The following COL21A1 variants were observed in gnomAD, a reference collection of about 807,000 sequenced individuals.
The protein encoded by COL21A1 is collagen alpha-1(XXI) chain.
A neutral mutation model predicts 137.9 loss-of-function variants in COL21A1; 149 were observed. The ratio of observed to expected loss-of-function variants is 1.08; its 90% CI spans 0.95 to 1.24. The LOEUF is 1.24. Among genes scored for constraint, COL21A1 ranks in the 50% most tolerant of loss-of-function variants. The pLI, the probability that COL21A1 is intolerant of heterozygous loss-of-function variation, is 0.00. For missense variants in COL21A1, 1,167 were observed against 1,158.4 expected, an observed-to-expected ratio of 1.01 and a Z score of -0.11; for synonymous variants, 456 against 391.5, an observed-to-expected ratio of 1.16 and a Z score of -1.95.
intron 1 of COL21A1, among the ~76,000 whole-genome samples, chr6:56,239,959 A>T (rs1470932935): frequency 1.3e-5 from 2 of 152,092 alleles, no homozygotes; most frequent in African/African-American, 4.8e-5. Flanking sequence ...CTGGTGGGAG[A>T]TAATTGAATC....
intron 1 of COL21A1, among the ~76,000 whole-genome samples, chr6:56,386,756 T>A (rs559272504): frequency 1.3e-5 from 2 of 152,174 alleles, no homozygotes; most frequent in Non-Finnish European, 2.9e-5. Flanking sequence ...AAGAAGGATT[T>A]TAAAGGAAGC....
In COL21A1 at chr6:56,129,366, T is replaced by C. The variant is rs144135072; in HGVS notation, c.1543-3217A>G. On this transcript the variant is annotated intron_variant, in intron 12 of 29. Transcript: ENST00000244728. ...TAATACAGTAACTGGTGATATAACC[T>C]TGACTTTATAAGTGACAGCAACACT... 4.7e-4 allele frequency among the ~76,000 whole-genome samples: 71 copies of C among 152,138 alleles called. 2 individuals carry two copies. The East Asian group carries it at 0.013, about 28-fold the overall frequency.
In COL21A1 at chr6:56,098,052, AAT is replaced by A. The variant is rs1491398532; in HGVS notation, c.1812+3418_1812+3419del. Among the ~76,000 whole-genome samples, 2 of 49,124 alleles carry A rather than the reference AAT, an allele frequency of 4.1e-5. 1 individual carries two copies. Among genetic ancestry groups the A allele is most frequent in the Non-Finnish European group, 6.7e-5 (2 of 30,008 alleles). 32.2% of individuals were successfully genotyped at this position (49,124 alleles called of 152,430 possible). On this transcript the variant is annotated intron_variant, in intron 17 of 29. Transcript: ENST00000244728. ...ATATGTAAATATATAAATATATATA[AAT>A]ATATATAAATATATAAATATATATA...
chr6:56,158,263 T>C (rs1454956496), intron 9 of COL21A1, among the ~76,000 whole-genome samples: 2 of 117,384 alleles, frequency 1.7e-5, no homozygotes, highest in Non-Finnish European at 3.4e-5. Flanking sequence ...CTTTTTTTTT[T>C]TTCTTTTTTT....
At chr6:56,128,385 G>T (rs1773220853) in intron 12 of COL21A1, among the ~76,000 whole-genome samples, 1 of 152,094 alleles carries the variant, frequency 6.6e-6, no homozygotes, top group Admixed American at 6.5e-5. Context: ...ACGTTCCTGT[G>T]ATATTTGGTG....
At chr6:56,283,276 T>A (rs1208342499) in intron 1 of COL21A1, among the ~76,000 whole-genome samples, 1 of 151,860 alleles carries the variant, frequency 6.6e-6, no homozygotes, top group Non-Finnish European at 1.5e-5. Context: ...GGCCAAAAAA[T>A]TATTATAAAT....
In COL21A1 at chr6:56,135,370, C is replaced by T. The variant is rs539201025; in HGVS notation, c.1542+6415G>A. Reference sequence around the variant, plus strand: ...TGCCCCCAAATCGCATGTCAAGATACCTTACCCAACTCACTAATAAAGCAA... The same window carrying T: ...TGCCCCCAAATCGCATGTCAAGATATCTTACCCAACTCACTAATAAAGCAA... On this transcript the variant is annotated intron_variant, in intron 12 of 29. Transcript: ENST00000244728. Among the ~76,000 whole-genome samples the T allele has an allele frequency of 1.1e-3, 170 of 152,054 alleles. 1 individual carries two copies. The highest frequency in any genetic ancestry group is 3.8e-3 in the African/African-American group (156 of 41,486).
At chr6:56,189,104 C>T (rs770877906) in intron 1 of COL21A1, among the ~76,000 whole-genome samples, 3 of 151,866 alleles carry the variant, frequency 2.0e-5, no homozygotes, top group South Asian at 2.1e-4. Flanking sequence ...AACAAAACTG[C>T]GCAGAGAATG....
At chr6:56,308,804 G>A (rs983148220) in intron 1 of COL21A1, among the ~76,000 whole-genome samples, 17 of 152,276 alleles carry the variant, frequency 1.1e-4, no homozygotes, top group African/African-American at 3.9e-4. Flanking sequence ...GTGCTCAGTA[G>A]CCTCATGTGG....
intron 1 of COL21A1, among the ~76,000 whole-genome samples, chr6:56,206,376 G>T (rs996691068): frequency 6.7e-6 from 1 of 149,138 alleles, no homozygotes; most frequent in Admixed American, 6.7e-5. Context: ...AATCAACAAA[G>T]ATCAAAAGAG....
At chr6:56,367,696 T>C (rs1053756523) in intron 1 of COL21A1, among the ~76,000 whole-genome samples, 2 of 152,202 alleles carry the variant, frequency 1.3e-5, no homozygotes, top group African/African-American at 4.8e-5. Flanking sequence ...AGCTAATTCA[T>C]CTAGTTTTCT....
chr6:56,370,218 G>A (rs1443942057), intron 1 of COL21A1, among the ~76,000 whole-genome samples: 2 of 152,138 alleles, frequency 1.3e-5, no homozygotes, highest in East Asian at 3.9e-4. Context: ...AGCAGTGGCC[G>A]CTTGAGGACA....
At chr6:56,221,940 T>C (rs1008644918) in intron 1 of COL21A1, among the ~76,000 whole-genome samples, 2 of 152,146 alleles carry the variant, frequency 1.3e-5, no homozygotes, top group African/African-American at 2.4e-5. Flanking sequence ...TTATATTTGC[T>C]TTTTATTCTT....
At chr6:56,269,654 CAAAAAAAAAAA>C (rs70986792) in intron 1 of COL21A1, among the ~76,000 whole-genome samples, 6 of 64,050 alleles carry the variant, frequency 9.4e-5, no homozygotes, top group Admixed American at 3.7e-4. Context: ...GACTCCGTCT[CAAAAAAAAAAA>C]AAAAAAAAAA....
intron 7 of COL21A1, 125 bp from the exon 8 acceptor site, chr6:56,164,947 C>T: frequency 1.5e-6 from 1 of 683,626 alleles, no homozygotes; most frequent in East Asian, 2.9e-5. Context: ...CAACAAAAAC[C>T]AAAATATTTC....
At position 56,255,456 on chromosome 6, in the gene COL21A1, T is replaced by A. The variant is rs543761017; in HGVS notation, c.-38-72800A>T. On this transcript the variant is annotated intron_variant, in intron 1 of 28. Transcript: ENST00000370819. ...TCTTTTCTTAATGATATGCATGCCT[T>A]TTTTATCAGATGCTATCTCTAGAAC... is the stretch of plus-strand genomic sequence containing the variant. Among the ~76,000 whole-genome samples the A allele has an allele frequency of 8.9e-4, 136 of 152,120 alleles. 1 individual carries two copies. Among genetic ancestry groups the A allele is most frequent in the Admixed American group, 5.2e-3 (79 of 15,266 alleles).
chr6:56,228,775 T>C (rs888730196), intron 1 of COL21A1, among the ~76,000 whole-genome samples: 1 of 151,702 alleles, frequency 6.6e-6, no homozygotes, highest in African/African-American at 2.4e-5. Context: ...GTGAGATTTT[T>C]AGTCCATTAA....
intron 1 of COL21A1, among the ~76,000 whole-genome samples, chr6:56,291,024 G>A (rs1038725313): frequency 3.9e-5 from 6 of 152,014 alleles, no homozygotes; most frequent in East Asian, 1.9e-4. Flanking sequence ...GGCATTACCC[G>A]GGAGCTTGTC....
intron 1 of COL21A1, among the ~76,000 whole-genome samples, chr6:56,332,423 C>G (rs971816221): frequency 6.6e-6 from 1 of 150,796 alleles, no homozygotes; most frequent in Non-Finnish European, 1.5e-5. Flanking sequence ...TTCAGAAGTG[C>G]GTTCAAAAAA....
Sources: allele counts gnomAD v4.1 joint callset (sites outside exome capture counted in the v4.1 genomes callset), GRCh38; gene constraint gnomAD v4.1.1; transcripts MANE v1.5; gene names NCBI Gene and HGNC (gene_info 2026-07-23, HGNC 2026-07-21).